NAPB: variants seen among roughly 807,000 people sequenced by gnomAD.
The protein encoded by NAPB is beta-soluble NSF attachment protein.
In NAPB, 26 loss-of-function variants were observed where a neutral mutation model predicts 44.7. The observed-to-expected ratio is 0.58, with a 90% CI of 0.43 to 0.81. The LOEUF is 0.81. Ranked by LOEUF, NAPB falls within the 30% of genes least tolerant of loss-of-function variation. NAPB has a pLI of 0.00. For missense variants in NAPB, 315 were observed against 356.4 expected (o/e 0.88, Z 0.94); for synonymous variants, 120 against 116.8 (o/e 1.03, Z -0.18).
intron 3 of NAPB, among the ~76,000 whole-genome samples, chr20:23,395,849 G>A (rs1984318034): frequency 6.6e-6 from 1 of 152,146 alleles, no homozygotes; most frequent in Admixed American, 6.5e-5. Context: ...TGTTTATGAT[G>A]CTGGCATACA....
chr20:23,410,604 G>A (rs1001744494), intron 1 of NAPB, among the ~76,000 whole-genome samples: 5 of 152,132 alleles, frequency 3.3e-5, no homozygotes, highest in Admixed American at 2.6e-4. Context: ...CTGGGTGACA[G>A]GATCATCTGT....
At chr20:23,414,552 T>C (rs1475908008) in intron 1 of NAPB, among the ~76,000 whole-genome samples, 2 of 152,174 alleles carry the variant, frequency 1.3e-5, no homozygotes, top group African/African-American at 2.4e-5. Context: ...AAAACTGGAA[T>C]TGACAGACAA....
intron 7 of NAPB, among the ~76,000 whole-genome samples, chr20:23,385,812 A>G (rs928973535): frequency 2.0e-5 from 3 of 152,200 alleles, no homozygotes; most frequent in South Asian, 2.1e-4. Context: ...ATCAGCAAGT[A>G]TATTAAAGAA....
At chr20:23,421,273 C>G (rs781628179) in intron 1 of NAPB, 32 bp downstream of exon 1, 89 of 1,511,444 alleles carry the variant, frequency 5.9e-5, no homozygotes, top group Admixed American at 1.6e-4. Flanking sequence ...GGAGACCCCC[C>G]CCCCCCAGGG....
intron 5 of NAPB, among the ~76,000 whole-genome samples, chr20:23,392,006 CAAAT>C (rs966032902): frequency 5.3e-5 from 8 of 152,310 alleles, no homozygotes; most frequent in Middle Eastern, 3.4e-3. Context: ...GACAAGAAAA[CAAAT>C]AAAACAAAAC....
intron 3 of NAPB, among the ~76,000 whole-genome samples, chr20:23,396,481 T>G (rs1281582360): frequency 6.6e-6 from 1 of 152,202 alleles, no homozygotes; most frequent in Non-Finnish European, 1.5e-5. Flanking sequence ...GTGTGGAAGG[T>G]AAGAAATTAA....
intron 2 of NAPB, among the ~76,000 whole-genome samples, chr20:23,401,706 C>A (rs1472044090): frequency 6.6e-6 from 1 of 152,156 alleles, no homozygotes; most frequent in African/African-American, 2.4e-5. Context: ...CATGGTGAAA[C>A]CCCGTCTCTA....
At chr20:23,394,773 C>T in intron 5 of NAPB, 149 bp downstream of exon 5, 1 of 667,564 alleles carries the variant, frequency 1.5e-6, no homozygotes, top group Non-Finnish European at 2.5e-6. Flanking sequence ...ATCTACTTAG[C>T]CAGCTAGTAG....
chr20:23,417,240 C>T (rs1405685467), intron 1 of NAPB, among the ~76,000 whole-genome samples: 1 of 152,134 alleles, frequency 6.6e-6, no homozygotes, highest in African/African-American at 2.4e-5. Context: ...CCCGCCACCA[C>T]GCCAGGCTAA....
intron 5 of NAPB, among the ~76,000 whole-genome samples, chr20:23,391,779 C>T (rs1983976484): frequency 6.6e-6 from 1 of 152,112 alleles, no homozygotes; most frequent in African/African-American, 2.4e-5. Flanking sequence ...TTTTTTCTCT[C>T]AAGGATTAAA....
At chr20:23,408,439 A>C (rs144412947) in intron 1 of NAPB, among the ~76,000 whole-genome samples, 374 of 152,372 alleles carry the variant, frequency 2.5e-3, no homozygotes, top group African/African-American at 8.7e-3. Flanking sequence ...CAAAATAATA[A>C]GCAAATGTAG....
chr20:23,403,009 C>G lies in NAPB; in HGVS notation c.162G>C (p.Met54Ile), dbSNP rs2123221278. 6.2e-7 allele frequency: 1 copy of G among 1,613,478 alleles called. No homozygotes were observed. Among genetic ancestry groups the G allele is most frequent in the East Asian group, 2.2e-5 (1 of 44,856 alleles). Residue 54 changes from methionine to isoleucine, a missense_variant, in exon 2 of 11, where the codon ATG becomes ATC. By Grantham distance (10) the Met-to-Ile change is conservative. Coordinates refer to ENST00000377026, the MANE Select transcript of NAPB (RefSeq NM_022080.3). Reference sequence around the variant, plus strand: ...TGTACATACCACTCCAATTTTTAGCCATCTTGAACATATTTGCAGCTCTGG... The same window carrying G: ...TGTACATACCACTCCAATTTTTAGCGATCTTGAACATATTTGCAGCTCTGG... ...MYTRAANMFK[M>I]AKNWSAAGNA...
rs147442541 is a variant in NAPB at position 23,386,643 on chromosome 20, G to A, written c.561+3303C>T. On this transcript the variant is annotated intron_variant, in intron 7 of 10. Transcript: ENST00000377026. The stretch of plus-strand genomic sequence containing the variant: ...CCCCAATAAAAACTCAGAACACCAC[G>A]TTCAGGGGAGCTTCCTTGGTTGGCA... Among the ~76,000 whole-genome samples, 43 of 152,302 alleles carry A rather than the reference G, an allele frequency of 2.8e-4. No homozygotes were observed. In the East Asian group the frequency reaches 3.3e-3, roughly 12 times the overall value.
intron 1 of NAPB, among the ~76,000 whole-genome samples, chr20:23,406,436 C>T (rs548019974): frequency 2.6e-5 from 4 of 152,028 alleles, no homozygotes; most frequent in South Asian, 2.1e-4. Flanking sequence ...GTGAATTGTA[C>T]GGTATGTGTA....
chr20:23,377,521 T>A (rs775526644), intron 10 of NAPB, 35 bp from the exon 11 acceptor site: 1 of 1,405,750 alleles, frequency 7.1e-7, no homozygotes, highest in Admixed American at 1.9e-5. Context: ...AATTACCCCA[T>A]GTAAATACAT....
chr20:23,414,708 T>A (rs1231536838), intron 1 of NAPB, among the ~76,000 whole-genome samples: 2 of 152,074 alleles, frequency 1.3e-5, no homozygotes, highest in African/African-American at 4.8e-5. Flanking sequence ...ACTTTATTAG[T>A]CACTGAAAAT....
rs1982489203 is a variant in NAPB at position 23,376,055 on chromosome 20, C to T, written c.*1321G>A. 1 of 152,184 alleles carries T rather than the reference C, an allele frequency of 6.6e-6. No individual in the cohort carries two copies. Among genetic ancestry groups the T allele is most frequent in the African/African-American group, 2.4e-5 (1 of 41,424 alleles). 9.4% of individuals were successfully genotyped at this position (152,184 alleles called of 1,614,324 possible). ...TACTACTTACTACTACCTGACATAACATAGGAAGTTTCGTTACCTGTCATC... is the reference window on the plus strand; with the variant it reads ...TACTACTTACTACTACCTGACATAATATAGGAAGTTTCGTTACCTGTCATC... On this transcript the variant is annotated 3_prime_UTR_variant, in exon 11 of 11. Transcript: ENST00000377026.
rs146719240 is a variant in NAPB, at chr20:23,377,323, C to T, written c.*53G>A. ...AGGCATCCCATAAAGATCACTTGACCCTAAGACAAAACTAAAGAGGAGTTA... is the reference window on the plus strand; with the variant it reads ...AGGCATCCCATAAAGATCACTTGACTCTAAGACAAAACTAAAGAGGAGTTA... On this transcript the variant is annotated 3_prime_UTR_variant, in exon 11 of 11. Transcript: ENST00000377026. 2.0e-4 allele frequency: 244 copies of T among 1,231,500 alleles called. No individual in the cohort carries two copies. The African/African-American group carries it at 3.4e-3, about 17-fold the overall frequency. The allele number at this position is 1,231,500 out of a possible 1,614,324, so 76.3% of individuals were successfully genotyped here.
At chr20:23,387,364 T>G (rs969819910) in intron 7 of NAPB, among the ~76,000 whole-genome samples, 2 of 152,168 alleles carry the variant, frequency 1.3e-5, no homozygotes, top group African/African-American at 4.8e-5. Flanking sequence ...TCACTTCTAT[T>G]CAACACTGCA....
Sources: allele counts gnomAD v4.1 joint callset (sites outside exome capture counted in the v4.1 genomes callset), GRCh38; gene constraint gnomAD v4.1.1; transcripts MANE v1.5; gene names NCBI Gene and HGNC (gene_info 2026-07-23, HGNC 2026-07-21).